MYRIP: variants seen among roughly 807,000 people sequenced by gnomAD.
MYRIP encodes rab effector MyRIP.
In MYRIP, 49 loss-of-function variants were observed where a neutral mutation model predicts 98.0. The observed-to-expected ratio is 0.50, with a 90% confidence interval of 0.40 to 0.63. The LOEUF is 0.63. Ranked by LOEUF, MYRIP falls within the 30% of genes least tolerant of loss-of-function variation. MYRIP has a pLI of 0.00. For synonymous variants in MYRIP, 404 were observed against 409.5 expected, an observed-to-expected ratio of 0.99 and a Z score of 0.16; for missense variants, 1,004 against 1,058.2, an observed-to-expected ratio of 0.95 and a Z score of 0.71.
chr3:39,953,017 A>G (rs772867009), intron 2 of MYRIP, among the ~76,000 whole-genome samples: 77 of 152,030 alleles, frequency 5.1e-4, no homozygotes, highest in Admixed American at 1.0e-3. Context: ...TCACAGCTTC[A>G]TTGTCTTCCC....
chr3:40,182,923 A>G (rs1314958976), intron 9 of MYRIP, among the ~76,000 whole-genome samples: 2 of 152,156 alleles, frequency 1.3e-5, no homozygotes, highest in Non-Finnish European at 2.9e-5. Flanking sequence ...GCTTAATACA[A>G]TCATTTTCTT....
chr3:39,873,601 T>C (rs1179324468), intron 1 of MYRIP, among the ~76,000 whole-genome samples: 1 of 152,254 alleles, frequency 6.6e-6, no homozygotes, highest in Non-Finnish European at 1.5e-5. Context: ...AGGGAATCTT[T>C]TCCCCATTGC....
At chr3:40,150,974 G>A in intron 3 of MYRIP, 74 bp from the exon 4 acceptor site, 3 of 1,361,194 alleles carry the variant, frequency 2.2e-6, no homozygotes, top group Non-Finnish European at 3.0e-6. Flanking sequence ...ATGGAGCTGT[G>A]AAGCATTGCA....
At position 39,893,684 on chromosome 3, in the gene MYRIP, A is replaced by G. The variant is rs985410030; in HGVS notation, c.-30-7103A>G. Among the ~76,000 whole-genome samples, 1,380 of 146,636 alleles carry G rather than the reference A, an allele frequency of 9.4e-3. 24 individuals are homozygous for G. Among genetic ancestry groups the G allele is most frequent in the African/African-American group, 0.034 (1,307 of 38,176 alleles). On this transcript the variant is annotated intron_variant, in intron 1 of 16. Coordinates refer to ENST00000302541, the MANE Select transcript of MYRIP (RefSeq NM_015460.4). ...TATTTTAAGTGGAAATCACACACAC[A>G]CACACACACACACACACACACACGC...
chr3:40,161,790 C>G lies in MYRIP; in HGVS notation c.470-940C>G, dbSNP rs73067627. Among the ~76,000 whole-genome samples, 478 of 152,290 alleles carry G rather than the reference C, an allele frequency of 3.1e-3. 2 individuals are homozygous for G. Among genetic ancestry groups the G allele is most frequent in the Non-Finnish European group, 5.1e-3 (348 of 68,028 alleles). On this transcript the variant is annotated intron_variant, in intron 4 of 16. Coordinates refer to ENST00000302541, the MANE Select transcript of MYRIP (RefSeq NM_015460.4). ...CTTCCTCACTCTACACTCACCTCCC[C>G]CTTCCAAGCTATTCTCTACGCAGTA... is the stretch of plus-strand genomic sequence containing the variant.
intron 3 of MYRIP, among the ~76,000 whole-genome samples, chr3:40,149,078 TG>T (rs1575576642): frequency 6.6e-6 from 1 of 152,200 alleles, no homozygotes; most frequent in Non-Finnish European, 1.5e-5. Context: ...AGTCCATTTG[TG>T]TTGCTAGGAA....
intron 3 of MYRIP, among the ~76,000 whole-genome samples, chr3:40,068,094 T>C (rs1208787400): frequency 1.3e-5 from 2 of 152,236 alleles, no homozygotes; most frequent in African/African-American, 4.8e-5. Context: ...CTATAGACAG[T>C]GCTCCCATGA....
At chr3:39,826,886 A>G (rs1241206548) in intron 1 of MYRIP, among the ~76,000 whole-genome samples, 3 of 152,122 alleles carry the variant, frequency 2.0e-5, no homozygotes, top group Non-Finnish European at 4.4e-5. Context: ...TTATTATTAT[A>G]TAATGTTCTT....
intron 2 of MYRIP, among the ~76,000 whole-genome samples, chr3:40,015,332 G>A (rs982347218): frequency 6.6e-6 from 1 of 152,178 alleles, no homozygotes; most frequent in African/African-American, 2.4e-5. Flanking sequence ...CTCCACCTGA[G>A]AGCTCCAGGG....
intron 3 of MYRIP, among the ~76,000 whole-genome samples, chr3:40,107,963 C>T (rs923137166): frequency 6.6e-6 from 1 of 152,182 alleles, no homozygotes; most frequent in African/African-American, 2.4e-5. Flanking sequence ...AAACCAACTG[C>T]ATCCGTGTCC....
chr3:40,151,157 G>T lies in MYRIP; in HGVS notation c.442G>T (p.Glu148Ter). ...GAACCTGTACAGGAAGCACCGGCTG[G>T]AGAGTGGCGCGTGCTTCGACATTCT... is the stretch of plus-strand genomic sequence containing the variant. The part of the protein sequence containing the change: ...LKNLYRKHRL[E>*]SGACFDILGG... Residue 148 changes from glutamate (E) to a stop codon, truncating the protein, a stop_gained, in exon 4 of 17, where the codon GAG becomes TAG. Coordinates refer to ENST00000302541, the MANE Select transcript of MYRIP (RefSeq NM_015460.4). LOFTEE classifies it high-confidence loss of function. The T allele has an allele frequency of 6.2e-7, 1 of 1,609,412 alleles. No individual in the cohort carries two copies. The highest frequency in any genetic ancestry group is 1.1e-5 in the South Asian group (1 of 90,346).
intron 10 of MYRIP, among the ~76,000 whole-genome samples, chr3:40,194,188 T>G (rs1399148746): frequency 6.6e-6 from 1 of 152,112 alleles, no homozygotes; most frequent in Non-Finnish European, 1.5e-5. Context: ...TCCTAATCCT[T>G]CGTAGTTTTC....
At chr3:40,015,306 G>A (rs1410094218) in intron 2 of MYRIP, among the ~76,000 whole-genome samples, 4 of 152,212 alleles carry the variant, frequency 2.6e-5, no homozygotes, top group Admixed American at 1.3e-4. Flanking sequence ...GTTCAGGTTT[G>A]TTGCAGGCCC....
At chr3:40,254,569 G>GT (rs1004582635) in intron 16 of MYRIP, among the ~76,000 whole-genome samples, 11 of 152,032 alleles carry the variant, frequency 7.2e-5, no homozygotes, top group Admixed American at 6.5e-4. Flanking sequence ...ACACCTTAGG[G>GT]TACAGATCTT....
intron 5 of MYRIP, among the ~76,000 whole-genome samples, chr3:40,165,756 TAAAAA>T (rs3063826): frequency 6.9e-6 from 1 of 144,108 alleles, no homozygotes; most frequent in Non-Finnish European, 1.5e-5. Context: ...TGCCATATCT[TAAAAA>T]AAAAAAAAAA....
At chr3:40,161,437 A>C (rs983558166) in intron 4 of MYRIP, among the ~76,000 whole-genome samples, 5 of 151,948 alleles carry the variant, frequency 3.3e-5, no homozygotes, top group African/African-American at 1.2e-4. Flanking sequence ...GGCAACCTCA[A>C]ATCTTCCTTC....
rs374389824 is a variant in MYRIP at position 39,822,420 on chromosome 3, C to T, written c.-31+12504C>T. Among the ~76,000 whole-genome samples the T allele has an allele frequency of 3.3e-4, 50 of 152,184 alleles. 1 individual carries two copies. The South Asian group carries it at 0.01, about 31-fold the overall frequency. Reference sequence around the variant, plus strand: ...CTTTGAATGTGGCCCAACACAAATTCGTCAAATTCGTAAACTTTCTTAAAA... The same window carrying T: ...CTTTGAATGTGGCCCAACACAAATTTGTCAAATTCGTAAACTTTCTTAAAA... On this transcript the variant is annotated intron_variant, in intron 1 of 16. Transcript: ENST00000302541.
intron 3 of MYRIP, among the ~76,000 whole-genome samples, chr3:40,150,731 T>C (rs983684105): frequency 6.6e-6 from 1 of 152,070 alleles, no homozygotes; most frequent in Non-Finnish European, 1.5e-5. Context: ...TATCTGGGAG[T>C]TGGCCGGCTA....
intron 11 of MYRIP, among the ~76,000 whole-genome samples, chr3:40,231,115 A>G (rs1351309725): frequency 2.6e-5 from 4 of 152,128 alleles, no homozygotes; most frequent in African/African-American, 9.7e-5. Flanking sequence ...ATGAGCCACC[A>G]CGCCCAGCCC....
Sources: allele counts gnomAD v4.1 joint callset (sites outside exome capture counted in the v4.1 genomes callset), GRCh38; gene constraint gnomAD v4.1.1; transcripts MANE v1.5; gene names NCBI Gene and HGNC (gene_info 2026-07-23, HGNC 2026-07-21).